Variants in FGF14 observed in about 807,000 individuals in gnomAD.
FGF14 encodes fibroblast growth factor 14.
FGF14 carries 5 observed loss-of-function variants against 25.5 expected under a neutral mutation model. The ratio of observed to expected loss-of-function variants is 0.20; its 90% CI spans 0.10 to 0.41. FGF14 has a LOEUF of 0.41. Ranked by LOEUF, FGF14 falls within the 10% of genes least tolerant of loss-of-function variation. The pLI is 1.00. For missense variants in FGF14, 222 were observed against 320.1 expected (o/e 0.69, Z 2.34); for synonymous variants, 138 against 118.3 (o/e 1.17, Z -1.08).
intron 1 of FGF14, among the ~76,000 whole-genome samples, chr13:101,898,023 T>C (rs918951416): frequency 1.5e-5 from 2 of 129,202 alleles, no homozygotes; most frequent in Non-Finnish European, 3.2e-5. Context: ...GCCTCCTTAG[T>C]AGCTGGGACC....
intron 1 of FGF14, among the ~76,000 whole-genome samples, chr13:102,204,117 G>A (rs1356761533): frequency 6.6e-6 from 1 of 152,162 alleles, no homozygotes; most frequent in Non-Finnish European, 1.5e-5. Flanking sequence ...ATTGTGATTT[G>A]ACTCAGCTTC....
chr13:102,344,018 C>T (rs527351371), intron 1 of FGF14, among the ~76,000 whole-genome samples: 2 of 152,294 alleles, frequency 1.3e-5, no homozygotes, highest in South Asian at 2.1e-4. Context: ...ATGTAATTCA[C>T]AGCAAGATCT....
At chr13:101,771,037 C>T (rs1466634962) in intron 3 of FGF14, among the ~76,000 whole-genome samples, 3 of 151,992 alleles carry the variant, frequency 2.0e-5, no homozygotes, top group Admixed American at 6.6e-5. Flanking sequence ...TGAATATTTT[C>T]AATCTAGTAA....
At chr13:101,978,932 T>C (rs1265216601) in intron 1 of FGF14, among the ~76,000 whole-genome samples, 1 of 152,076 alleles carries the variant, frequency 6.6e-6, no homozygotes, top group Non-Finnish European at 1.5e-5. Context: ...GAAATGGCCA[T>C]GGTGTGATGG....
At chr13:101,861,298 C>CA (rs2140413857) in intron 3 of FGF14, among the ~76,000 whole-genome samples, 1 of 152,172 alleles carries the variant, frequency 6.6e-6, no homozygotes, top group African/African-American at 2.4e-5. Flanking sequence ...GTCCTGTGGG[C>CA]AAACTAAGCA....
chr13:102,059,982 C>T (rs773128580), intron 1 of FGF14, among the ~76,000 whole-genome samples: 11 of 151,784 alleles, frequency 7.2e-5, no homozygotes, highest in South Asian at 6.3e-4. Flanking sequence ...AAATACAGAC[C>T]GGCATTCCTA....
intron 1 of FGF14, among the ~76,000 whole-genome samples, chr13:102,156,890 G>A (rs904068483): frequency 6.6e-6 from 1 of 152,296 alleles, no homozygotes; most frequent in East Asian, 1.9e-4. Context: ...CAAATCATGA[G>A]TGAACTCCCA....
chr13:101,980,823 T>G (rs1566527820), intron 1 of FGF14, among the ~76,000 whole-genome samples: 1 of 152,134 alleles, frequency 6.6e-6, no homozygotes, highest in South Asian at 2.1e-4. Context: ...GGTATTATGG[T>G]CTGAGTTGTT....
chr13:101,949,167 C>G (rs2036000243), intron 1 of FGF14, among the ~76,000 whole-genome samples: 1 of 152,146 alleles, frequency 6.6e-6, no homozygotes, highest in Non-Finnish European at 1.5e-5. Context: ...TCGGTTTTCT[C>G]TCTATGAAAT....
rs553678546 is a variant in FGF14, at chr13:102,020,873, T to C, written c.209-145577A>G. ...CAGCAGCATGATGACCAAATTGAAA[T>C]GGCACATAAGAAGGGAATGAGGAAA... On this transcript the variant is annotated intron_variant, in intron 1 of 4. Transcript: ENST00000376131. 3.3e-5 allele frequency among the ~76,000 whole-genome samples: 5 copies of C among 149,606 alleles called. No individual in the cohort carries two copies. The East Asian group carries it at 9.9e-4, about 30-fold the overall frequency.
At chr13:102,140,380 A>G (rs1048414445) in intron 1 of FGF14, among the ~76,000 whole-genome samples, 2 of 152,180 alleles carry the variant, frequency 1.3e-5, no homozygotes, top group East Asian at 3.9e-4. Flanking sequence ...TTGATGTTGG[A>G]TCATTTCAGA....
intron 1 of FGF14, among the ~76,000 whole-genome samples, chr13:101,881,154 C>G (rs2045686146): frequency 6.6e-6 from 1 of 152,178 alleles, no homozygotes; most frequent in African/African-American, 2.4e-5. Context: ...ACAGACTTAA[C>G]AGGAGTATCT....
At chr13:102,388,712 C>T (rs2058364039) in intron 1 of FGF14, among the ~76,000 whole-genome samples, 1 of 152,236 alleles carries the variant, frequency 6.6e-6, no homozygotes, top group Admixed American at 6.5e-5. Flanking sequence ...AGGACATTTT[C>T]ATTTTATTGC....
chr13:102,223,838 G>A (rs1258787910), intron 1 of FGF14, among the ~76,000 whole-genome samples: 2 of 152,070 alleles, frequency 1.3e-5, no homozygotes, highest in East Asian at 3.9e-4. Context: ...ACTCCAGCCT[G>A]GATGACAGAG....
rs76421126 is a variant in FGF14 at position 101,742,660 on chromosome 13, A to T, written c.409-15850T>A. 1.9e-3 allele frequency among the ~76,000 whole-genome samples: 295 copies of T among 152,274 alleles called. 3 individuals are homozygous for T. Among genetic ancestry groups the T allele is most frequent in the African/African-American group, 6.6e-3 (274 of 41,558 alleles). ...TAAATGTTAGCCATAGTTATGATTA[A>T]AAGATGTGAAAGAAAAATAAATCTC... On this transcript the variant is annotated intron_variant, in intron 3 of 4. Coordinates refer to ENST00000376143, the MANE Select transcript of FGF14 (RefSeq NM_004115.4).
chr13:101,889,175 C>T (rs957851849), intron 1 of FGF14, among the ~76,000 whole-genome samples: 2 of 152,210 alleles, frequency 1.3e-5, no homozygotes, highest in African/African-American at 4.8e-5. Flanking sequence ...GTTATTGAAG[C>T]CACCAAGTCT....
chr13:101,850,277 T>TA (rs1491248502), intron 3 of FGF14, among the ~76,000 whole-genome samples: 1,552 of 35,600 alleles, frequency 0.044, 543 homozygotes, highest in African/African-American at 0.14. Flanking sequence ...CTACTAAAAA[T>TA]CCAAAAAAAA....
chr13:101,743,359 T>A (rs2036675418), intron 3 of FGF14, among the ~76,000 whole-genome samples: 1 of 152,172 alleles, frequency 6.6e-6, no homozygotes, highest in South Asian at 2.1e-4. Context: ...TGTTTACCAA[T>A]TGTGGAATTC....
intron 1 of FGF14, among the ~76,000 whole-genome samples, chr13:101,916,080 C>A (rs901398609): frequency 7.2e-5 from 11 of 152,338 alleles, no homozygotes; most frequent in African/African-American, 2.6e-4. Context: ...AGACTGCGAG[C>A]GGTGGCTCGA....
Sources: allele counts gnomAD v4.1 joint callset (sites outside exome capture counted in the v4.1 genomes callset), GRCh38; gene constraint gnomAD v4.1.1; transcripts MANE v1.5; gene names NCBI Gene and HGNC (gene_info 2026-07-23, HGNC 2026-07-21).